The following CTIF variants were observed in gnomAD, a reference collection of about 807,000 sequenced individuals.
The protein encoded by CTIF is CBP80/20-dependent translation initiation factor.
A neutral mutation model predicts 66.0 loss-of-function variants in CTIF; 21 were observed. That is an observed-to-expected ratio of 0.32 (90% confidence interval 0.23 to 0.46). The LOEUF is 0.46. CTIF is among the 20% of genes least tolerant of loss of function. The pLI is 1.00. For missense variants in CTIF, 739 were observed against 812.7 expected (o/e 0.91, Z 1.10); for synonymous variants, 345 against 326.4 (o/e 1.06, Z -0.62).
At chr18:48,818,897 C>T (rs2068425412) in intron 10 of CTIF, among the ~76,000 whole-genome samples, 4 of 152,086 alleles carry the variant, frequency 2.6e-5, no homozygotes, top group South Asian at 2.1e-4. Flanking sequence ...ACACGTCTTT[C>T]GAGAAGTTTT....
intron 9 of CTIF, among the ~76,000 whole-genome samples, chr18:48,812,595 A>G (rs746819881): frequency 5.3e-5 from 8 of 152,094 alleles, no homozygotes; most frequent in Non-Finnish European, 1.0e-4. Flanking sequence ...TCTACAAAAA[A>G]ATTTAAAAGT....
intron 1 of CTIF, among the ~76,000 whole-genome samples, chr18:48,587,358 G>A (rs1422283131): frequency 6.6e-6 from 1 of 152,094 alleles, no homozygotes; most frequent in East Asian, 1.9e-4. Flanking sequence ...GGGATTACAG[G>A]CATGAGCCAC....
intron 1 of CTIF, among the ~76,000 whole-genome samples, chr18:48,594,949 G>C (rs2089962988): frequency 6.6e-6 from 1 of 152,182 alleles, no homozygotes; most frequent in Non-Finnish European, 1.5e-5. Context: ...AGGGCCTGCT[G>C]GGCCCTGAAG....
intron 9 of CTIF, among the ~76,000 whole-genome samples, chr18:48,797,181 T>A (rs1189965493): frequency 6.6e-6 from 1 of 152,192 alleles, no homozygotes; most frequent in Non-Finnish European, 1.5e-5. Flanking sequence ...CCTGTTTTTC[T>A]CATAAAAGGG....
chr18:48,805,597 G>A (rs2068129690), intron 9 of CTIF, among the ~76,000 whole-genome samples: 1 of 151,862 alleles, frequency 6.6e-6, no homozygotes, highest in South Asian at 2.1e-4. Context: ...TGGGAAGGGG[G>A]AAAAAAAATC....
At chr18:48,629,250 A>T (rs1489918850) in intron 2 of CTIF, among the ~76,000 whole-genome samples, 1 of 152,186 alleles carries the variant, frequency 6.6e-6, no homozygotes, top group Non-Finnish European at 1.5e-5. Context: ...TGGGTGTCTG[A>T]CGCCACCCTC....
At position 48,758,395 on chromosome 18, in the gene CTIF, T is replaced by C; in HGVS notation, c.1061T>C (p.Leu354Pro). 1 of 1,585,650 alleles carries C rather than the reference T, an allele frequency of 6.3e-7. No homozygotes were observed. ...TCCAAAGACAGACTGCGGCGAAGGCTAAAGGAAAAGGTACCGGTAATTGAA... is the reference window on the plus strand; with the variant it reads ...TCCAAAGACAGACTGCGGCGAAGGCCAAAGGAAAAGGTACCGGTAATTGAA... Reference protein sequence around the residue: ...QSSKDRLRRRLKEKDEVAVET... With the variant: ...QSSKDRLRRRPKEKDEVAVET... The change falls in exon 8 of 12, where the codon CTA becomes CCA. Residue 354 changes from leucine (L) to proline (P), a missense_variant. Physicochemically the swap from Leu to Pro is moderately conservative, Grantham distance 98 (BLOSUM62 -3). This residue lies in a region of CTIF where 529 missense variants were observed against 520.3 expected (regional missense o/e 1.02). Coordinates refer to ENST00000256413, the MANE Select transcript of CTIF (RefSeq NM_014772.3).
chr18:48,690,144 C>T (rs1017406744), intron 6 of CTIF, among the ~76,000 whole-genome samples: 3 of 152,096 alleles, frequency 2.0e-5, no homozygotes, highest in African/African-American at 7.2e-5. Context: ...AGGTGACACT[C>T]TCTCCCCCAT....
intron 1 of CTIF, among the ~76,000 whole-genome samples, chr18:48,549,952 T>TA (rs1254524758): frequency 2.6e-5 from 4 of 151,938 alleles, no homozygotes; most frequent in Non-Finnish European, 5.9e-5. Flanking sequence ...TACTTTTTTT[T>TA]ATATCTCAAT....
At chr18:48,825,966 G>A (rs565973244) in intron 10 of CTIF, 2 of 152,356 alleles carry the variant, frequency 1.3e-5, no homozygotes, top group East Asian at 3.9e-4. Context: ...GGTGCATTCA[G>A]TGAGCATCCA....
intron 9 of CTIF, among the ~76,000 whole-genome samples, chr18:48,789,786 A>G (rs980340852): frequency 6.6e-6 from 1 of 152,240 alleles, no homozygotes; most frequent in African/African-American, 2.4e-5. Context: ...AGAAGTATAA[A>G]TTAAGGGCTT....
intron 10 of CTIF, among the ~76,000 whole-genome samples, chr18:48,827,014 C>A (rs532036288): frequency 6.6e-6 from 1 of 152,124 alleles, no homozygotes; most frequent in East Asian, 1.9e-4. Context: ...GGGAAAGCCT[C>A]CAGGAAGGAG....
At chr18:48,601,039 A>G (rs952942183) in intron 1 of CTIF, among the ~76,000 whole-genome samples, 2 of 152,056 alleles carry the variant, frequency 1.3e-5, no homozygotes, top group African/African-American at 2.4e-5. Context: ...CACATTTCCA[A>G]TTTGGATGAT....
In CTIF at chr18:48,654,718, C is replaced by G. The variant is rs547726217; in HGVS notation, c.253-9034C>G. ...TATTCACAATAGCAAAGACTTGGAA[C>G]CAACCCAAATGTCTACCAGTGATAG... On this transcript the variant is annotated intron_variant, in intron 3 of 11. Transcript: ENST00000256413. 4.6e-5 allele frequency among the ~76,000 whole-genome samples: 7 copies of G among 152,312 alleles called. No individual in the cohort carries two copies. In the East Asian group the frequency reaches 9.6e-4, roughly 21 times the overall value.
At chr18:48,655,004 A>G (rs562526913) in intron 3 of CTIF, among the ~76,000 whole-genome samples, 7 of 152,278 alleles carry the variant, frequency 4.6e-5, no homozygotes, top group Admixed American at 2.0e-4. Context: ...AGATAGCATT[A>G]GGATAAATAC....
At chr18:48,735,972 G>C (rs952636801) in intron 7 of CTIF, among the ~76,000 whole-genome samples, 8 of 152,130 alleles carry the variant, frequency 5.3e-5, no homozygotes, top group South Asian at 2.1e-4. Flanking sequence ...GCACACCCGG[G>C]TGGTCTGGTG....
intron 10 of CTIF, among the ~76,000 whole-genome samples, chr18:48,832,238 C>A (rs2068708648): frequency 6.8e-6 from 1 of 146,524 alleles, no homozygotes. Context: ...GTGGCACAAT[C>A]AGGACTCACT....
intron 9 of CTIF, among the ~76,000 whole-genome samples, chr18:48,813,057 A>G (rs375367551): frequency 1.9e-4 from 28 of 148,484 alleles, no homozygotes; most frequent in Middle Eastern, 6.8e-3. Context: ...CTATTTATCT[A>G]TTCTGCTCTC....
intron 1 of CTIF, among the ~76,000 whole-genome samples, chr18:48,562,195 A>G (rs1030239877): frequency 6.6e-6 from 1 of 152,272 alleles, no homozygotes; most frequent in African/African-American, 2.4e-5. Context: ...CACTGTACCA[A>G]GTGCTTTAAA....
Sources: allele counts gnomAD v4.1 joint callset (sites outside exome capture counted in the v4.1 genomes callset), GRCh38; gene constraint gnomAD v4.1.1; regional missense constraint gnomAD v4.1.1; transcripts MANE v1.5; gene names NCBI Gene and HGNC (gene_info 2026-07-23, HGNC 2026-07-21).